The following C8orf34 variants were observed in gnomAD, a reference collection of about 807,000 sequenced individuals.
C8orf34 encodes chromosome 8 open reading frame 34, also known as uncharacterized protein C8orf34.
Under a neutral mutation model 68.3 loss-of-function variants are expected in C8orf34, and 65 were observed. That is an observed-to-expected ratio of 0.95 (90% confidence interval 0.78 to 1.17). C8orf34 has a LOEUF of 1.17. Ranked by LOEUF, C8orf34 falls within the 50% of genes most tolerant of loss-of-function variation. C8orf34 has a pLI of 0.00. For missense variants in C8orf34, 664 were observed against 655.4 expected, an observed-to-expected ratio of 1.01 and a Z score of -0.14; for synonymous variants, 244 against 241.2, an observed-to-expected ratio of 1.01 and a Z score of -0.11.
At chr8:68,772,888 C>CTTCT (rs1252443465) in intron 10 of C8orf34, among the ~76,000 whole-genome samples, 2 of 140,056 alleles carry the variant, frequency 1.4e-5, no homozygotes, top group South Asian at 2.2e-4. Context: ...TCCTTCCTTC[C>CTTCT]TTCTTTCTTT....
At chr8:68,738,787 TAATA>T (rs1390637972) in intron 10 of C8orf34, among the ~76,000 whole-genome samples, 1 of 152,046 alleles carries the variant, frequency 6.6e-6, no homozygotes, top group East Asian at 1.9e-4. Flanking sequence ...ATTGAATCAG[TAATA>T]AATAACCTAC....
chr8:68,685,736 C>A (rs370253870), intron 8 of C8orf34, among the ~76,000 whole-genome samples: 1 of 151,592 alleles, frequency 6.6e-6, no homozygotes, highest in Non-Finnish European at 1.5e-5. Context: ...ATTAGCCAGG[C>A]GTGGACATAT....
chr8:68,533,825 A>T, intron 7 of C8orf34: 1 of 981,662 alleles, frequency 1.0e-6, no homozygotes, highest in African/African-American at 1.7e-5. Flanking sequence ...GAAGAAAGAA[A>T]ATGAAATGTT....
chr8:68,635,639 G>T (rs1201396925), intron 7 of C8orf34, among the ~76,000 whole-genome samples: 1 of 152,176 alleles, frequency 6.6e-6, no homozygotes, highest in East Asian at 1.9e-4. Context: ...TTAGTACAAT[G>T]CTTCTGCAAA....
chr8:68,519,887 T>C (rs560483730), intron 5 of C8orf34, among the ~76,000 whole-genome samples: 2 of 152,320 alleles, frequency 1.3e-5, no homozygotes, highest in Admixed American at 1.3e-4. Flanking sequence ...AAAAGTATTC[T>C]GAAGTTGTAA....
At chr8:68,358,713 A>AT (rs11458417) in intron 1 of C8orf34, among the ~76,000 whole-genome samples, 8,539 of 146,742 alleles carry the variant, frequency 0.058, 753 homozygotes, top group African/African-American at 0.18. Flanking sequence ...ATATTTATTT[A>AT]TTTTTTTTTT....
At chr8:68,660,708 G>A (rs552549911) in intron 8 of C8orf34, among the ~76,000 whole-genome samples, 5 of 152,140 alleles carry the variant, frequency 3.3e-5, no homozygotes, top group Admixed American at 3.3e-4. Flanking sequence ...GGACAAAAAT[G>A]TGCTTCAGGA....
intron 6 of C8orf34, among the ~76,000 whole-genome samples, chr8:68,532,426 G>A (rs1236957683): frequency 6.6e-6 from 1 of 152,068 alleles, no homozygotes; most frequent in African/African-American, 2.4e-5. Context: ...GTAACAGGAA[G>A]ATCAGTCACT....
intron 12 of C8orf34, among the ~76,000 whole-genome samples, chr8:68,794,976 C>T (rs1410439850): frequency 1.3e-5 from 2 of 152,106 alleles, no homozygotes; most frequent in Non-Finnish European, 2.9e-5. Context: ...TTCATATACT[C>T]TATAGGTAAC....
intron 7 of C8orf34, among the ~76,000 whole-genome samples, chr8:68,545,980 T>C (rs1815864466): frequency 1.3e-5 from 2 of 152,128 alleles, no homozygotes; most frequent in East Asian, 3.8e-4. Flanking sequence ...GCTTCTACAT[T>C]ATTATAAGAG....
intron 7 of C8orf34, among the ~76,000 whole-genome samples, chr8:68,599,053 A>C (rs1817625410): frequency 6.6e-6 from 1 of 152,064 alleles, no homozygotes; most frequent in Non-Finnish European, 1.5e-5. Context: ...GAAGTTAAAC[A>C]AGATTAAGTT....
At chr8:68,411,142 T>A (rs1485633535) in intron 1 of C8orf34, among the ~76,000 whole-genome samples, 1 of 152,162 alleles carries the variant, frequency 6.6e-6, no homozygotes, top group East Asian at 1.9e-4. Context: ...TTAGTAGAAG[T>A]TTGGAGCATG....
chr8:68,717,222 G>A (rs1245395855), intron 9 of C8orf34, among the ~76,000 whole-genome samples: 1 of 152,008 alleles, frequency 6.6e-6, no homozygotes, highest in Non-Finnish European at 1.5e-5. Flanking sequence ...GCTCCAAAAA[G>A]CAAATCTAAA....
intron 1 of C8orf34, among the ~76,000 whole-genome samples, chr8:68,406,633 C>T (rs1809207506): frequency 6.6e-6 from 1 of 151,942 alleles, no homozygotes; most frequent in Non-Finnish European, 1.5e-5. Context: ...GTAGCTGGGA[C>T]TATAGGCACC....
rs953725240 is a variant in C8orf34 at position 68,377,750 on chromosome 8, T to G, written c.327+46411T>G. 2.6e-5 allele frequency among the ~76,000 whole-genome samples: 4 copies of G among 152,180 alleles called. 1 individual carries two copies. The highest frequency in any genetic ancestry group is 7.2e-5 in the African/African-American group (3 of 41,440). The stretch of plus-strand genomic sequence containing the variant: ...ATGCTAAAGCAGTTTATTAGTTTGT[T>G]CTCACGCTGCTATGAAAACATATCC... On this transcript the variant is annotated intron_variant, in intron 1 of 13. Transcript: ENST00000518698.
At chr8:68,379,061 C>T (rs34567569) in intron 1 of C8orf34, among the ~76,000 whole-genome samples, 2,004 of 152,170 alleles carry the variant, frequency 0.013, 15 homozygotes, top group Non-Finnish European at 0.019. Flanking sequence ...TTTAGGATCT[C>T]GAAGAGAGAA....
At chr8:68,530,778 T>C in intron 6 of C8orf34, 1 of 222,992 alleles carries the variant, frequency 4.5e-6, no homozygotes, top group East Asian at 1.6e-4. Context: ...AAAAATTACT[T>C]AAAAAGGGGT....
intron 8 of C8orf34, among the ~76,000 whole-genome samples, chr8:68,660,143 G>A (rs1819628082): frequency 6.6e-6 from 1 of 152,090 alleles, no homozygotes; most frequent in Non-Finnish European, 1.5e-5. Flanking sequence ...TGTGAAGAGA[G>A]GACAGAGGAG....
At chr8:68,395,123 C>T (rs1471930021) in intron 1 of C8orf34, among the ~76,000 whole-genome samples, 2 of 151,736 alleles carry the variant, frequency 1.3e-5, no homozygotes, top group East Asian at 3.9e-4. Flanking sequence ...GGAAAAAGTA[C>T]AAAAAGTATT....
Sources: gnomAD v4.1 joint callset for allele counts (sites outside exome capture counted in the v4.1 genomes callset) on GRCh38, gnomAD v4.1.1 for gene constraint, MANE v1.5 for transcripts, NCBI Gene and HGNC (gene_info 2026-07-23, HGNC 2026-07-21) for gene names.